Variants in GSG1L observed in about 807,000 individuals in gnomAD.
GSG1L encodes the protein germ cell-specific gene 1-like protein.
A neutral mutation model predicts 42.1 loss-of-function variants in GSG1L; 24 were observed. That is an observed-to-expected ratio of 0.57 (90% CI 0.41 to 0.80). The LOEUF is 0.80. Ranked by LOEUF, GSG1L falls within the 30% of genes least tolerant of loss-of-function variation. GSG1L has a pLI of 0.00. For synonymous variants in GSG1L, 215 were observed against 203.5 expected, an observed-to-expected ratio of 1.06 and a Z score of -0.48; for missense variants, 445 against 472.2, an observed-to-expected ratio of 0.94 and a Z score of 0.53.
At chr16:28,027,087 A>G (rs2085908493) in intron 1 of GSG1L, among the ~76,000 whole-genome samples, 2 of 152,222 alleles carry the variant, frequency 1.3e-5, no homozygotes. Context: ...AGGGACACAC[A>G]GCAGTGGTGG....
chr16:27,792,424 T>C (rs1310728647), intron 6 of GSG1L, among the ~76,000 whole-genome samples: 6 of 152,196 alleles, frequency 3.9e-5, no homozygotes, highest in African/African-American at 1.4e-4. Flanking sequence ...CCACTCTCAC[T>C]CCTTCGTGTT....
Position 28,063,397 on chromosome 16 carries a change from G to C in GSG1L, c.28C>G (p.Leu10Val). Residue 10 changes from leucine to valine, a missense_variant, in exon 1 of 7, where the codon CTC becomes GTC. This residue lies in a region of GSG1L where 156 missense variants were observed against 128.3 expected (regional missense o/e 1.22). Transcript: ENST00000447459. This position sits in a 1 kb window ranked among gnomAD's most constrained non-coding sequence, Gnocchi z 5.8. ...AGCAGGTTCAGGGCCACGGCCAGGA[G>C]CGCTCGGCCGCGGCGGCTAGTCTTC... MKTSRRGRA[L>V]LAVALNLLAL... 2 of 1,339,218 alleles carry C rather than the reference G, an allele frequency of 1.5e-6. No homozygotes were observed. Among genetic ancestry groups the C allele is most frequent in the South Asian group, 3.1e-5 (2 of 64,344 alleles). 83.0% of individuals were successfully genotyped at this position (1,339,218 alleles called of 1,614,324 possible).
chr16:27,849,598 TGCAATCATA>T (rs1438664730), intron 3 of GSG1L, among the ~76,000 whole-genome samples: 1 of 152,160 alleles, frequency 6.6e-6, no homozygotes, highest in African/African-American at 2.4e-5. Flanking sequence ...AGTGCAGTGG[TGCAATCATA>T]GCTCACTGTT....
chr16:28,036,015 G>A lies in GSG1L; in HGVS notation c.349+27061C>T, dbSNP rs8058607. 8.8e-3 allele frequency among the ~76,000 whole-genome samples: 1,344 copies of A among 152,180 alleles called. 18 individuals are homozygous for A. The highest frequency in any genetic ancestry group is 0.031 in the African/African-American group (1,286 of 41,492). On this transcript the variant is annotated intron_variant, in intron 1 of 6. Transcript: ENST00000447459. ...TTAGCCCAAGAGTGAGGCAGGAGTG[G>A]GTGGTTTAGGAGGGGAAAAAACAGC...
At chr16:27,924,706 A>G (rs1741250337) in intron 2 of GSG1L, among the ~76,000 whole-genome samples, 1 of 152,222 alleles carries the variant, frequency 6.6e-6, no homozygotes, top group South Asian at 2.1e-4. Context: ...CACACAAAAG[A>G]AAACTTAGAA....
At chr16:27,969,046 T>C (rs1373486599) in intron 1 of GSG1L, among the ~76,000 whole-genome samples, 1 of 152,018 alleles carries the variant, frequency 6.6e-6, no homozygotes, top group Admixed American at 6.6e-5. Flanking sequence ...GAGGCGGAGG[T>C]TGCAATGAGC....
chr16:27,959,510 G>GGGGGAGGGAAGGGGAGGGGAGGGAA (rs2085044365), intron 2 of GSG1L, among the ~76,000 whole-genome samples: 2 of 146,910 alleles, frequency 1.4e-5, no homozygotes, highest in African/African-American at 2.5e-5. Flanking sequence ...CGGGAAGGGA[G>GGGGGAGGGAAGGGGAGGGGAGGGAA]GGGGAGGGAA....
intron 1 of GSG1L, among the ~76,000 whole-genome samples, chr16:28,056,868 CA>C (rs2086285041): frequency 6.6e-6 from 1 of 152,028 alleles, no homozygotes; most frequent in South Asian, 2.1e-4. Context: ...GTGGGGACAT[CA>C]GGGGTGCAGG....
intron 3 of GSG1L, among the ~76,000 whole-genome samples, chr16:27,877,003 G>A (rs1444126156): frequency 6.6e-6 from 1 of 152,188 alleles, no homozygotes; most frequent in Non-Finnish European, 1.5e-5. Flanking sequence ...GACTGTGCAG[G>A]AATTTTCCGA....
At chr16:27,804,521 G>A (rs1281660165) in intron 6 of GSG1L, among the ~76,000 whole-genome samples, 1 of 151,558 alleles carries the variant, frequency 6.6e-6, no homozygotes, top group African/African-American at 2.4e-5. Flanking sequence ...CTCAGACTGT[G>A]AGTCCCTGAG....
intron 5 of GSG1L, among the ~76,000 whole-genome samples, chr16:27,818,499 C>T (rs533671677): frequency 6.6e-6 from 1 of 152,180 alleles, no homozygotes; most frequent in South Asian, 2.1e-4. Context: ...AGGACCCCAA[C>T]ACTGGGTGAT....
In GSG1L at chr16:28,063,244, C is replaced by T. The variant is rs2086366075; in HGVS notation, c.181G>A (p.Ala61Thr). 1 of 1,291,668 alleles carries T rather than the reference C, an allele frequency of 7.7e-7. No individual in the cohort carries two copies. The highest frequency in any genetic ancestry group is 9.8e-7 in the Non-Finnish European group (1 of 1,019,170). 80.0% of individuals were successfully genotyped at this position (1,291,668 alleles called of 1,614,324 possible). ...GCGGCGGGGGCGGCGGTGCCGTTGG[C>T]CGTGGCGTTGGCGCCCGAGTTGGGG... ...NCPNSGANAT[A>T]NGTAAPAAAA... is the part of the protein sequence containing the mutation. Residue 61 changes from alanine to threonine, a missense_variant, in exon 1 of 7, where the codon GCC becomes ACC. Ala to Thr is a moderately conservative substitution (Grantham distance 58). This residue lies in a region of GSG1L where 156 missense variants were observed against 128.3 expected (regional missense o/e 1.22). Coordinates refer to ENST00000447459, the MANE Select transcript of GSG1L (RefSeq NM_001109763.2). This position sits in a 1 kb window ranked among gnomAD's most constrained non-coding sequence, Gnocchi z 5.8.
At chr16:27,794,510 T>G (rs1047974455) in intron 6 of GSG1L, among the ~76,000 whole-genome samples, 2 of 151,826 alleles carry the variant, frequency 1.3e-5, no homozygotes, top group African/African-American at 2.4e-5. Flanking sequence ...TTTTTGTACT[T>G]TTAGTAGAGA....
chr16:27,818,066 C>T (rs1253252227), intron 5 of GSG1L, among the ~76,000 whole-genome samples: 2 of 152,212 alleles, frequency 1.3e-5, no homozygotes, highest in Non-Finnish European at 2.9e-5. Context: ...GCATTTTGAG[C>T]AGGCTTCCAG....
chr16:27,820,167 C>G (rs1454457649), intron 5 of GSG1L, among the ~76,000 whole-genome samples: 1 of 152,054 alleles, frequency 6.6e-6, no homozygotes, highest in East Asian at 1.9e-4. Context: ...ATCTGAGGTG[C>G]CTTTGAGAAT....
At chr16:27,858,393 G>A (rs1041311949) in intron 3 of GSG1L, among the ~76,000 whole-genome samples, 11 of 152,182 alleles carry the variant, frequency 7.2e-5, no homozygotes, top group African/African-American at 2.7e-4. Context: ...AGCTCATAGA[G>A]GTATATCAAC....
chr16:27,896,506 A>T (rs1466270840), intron 2 of GSG1L, among the ~76,000 whole-genome samples: 8 of 152,240 alleles, frequency 5.3e-5, no homozygotes, highest in African/African-American at 1.7e-4. Context: ...CCACCATGGC[A>T]CACGTTTACC....
In GSG1L at chr16:28,011,892, C is replaced by T. The variant is rs530040726; in HGVS notation, c.350-48689G>A. The stretch of plus-strand genomic sequence containing the variant: ...TTAACTCCTAACTAATGCAGTTTGC[C>T]ACGGATTCCATTTTCAGATTCCCAG... On this transcript the variant is annotated intron_variant, in intron 1 of 6. Transcript: ENST00000447459. Among the ~76,000 whole-genome samples, 19 of 152,276 alleles carry T rather than the reference C, an allele frequency of 1.2e-4. No individual in the cohort carries two copies. The East Asian group carries it at 3.7e-3, about 29-fold the overall frequency.
intron 4 of GSG1L, among the ~76,000 whole-genome samples, chr16:27,838,415 G>T (rs1245437657): frequency 6.6e-6 from 1 of 152,202 alleles, no homozygotes; most frequent in Non-Finnish European, 1.5e-5. Context: ...CAGAACACCT[G>T]CTGGTTTTAG....
Sources: gnomAD v4.1 joint callset for allele counts (sites outside exome capture counted in the v4.1 genomes callset) on GRCh38, gnomAD v4.1.1 for gene constraint, gnomAD v4.1.1 regional missense constraint, Gnocchi (gnomAD v3.1) non-coding constraint, MANE v1.5 for transcripts, NCBI Gene and HGNC (gene_info 2026-07-23, HGNC 2026-07-21) for gene names.